TTLL5: variants seen among roughly 807,000 people sequenced by gnomAD.
The protein encoded by TTLL5 is tubulin polyglutamylase TTLL5.
TTLL5 carries 132 observed loss-of-function variants against 168.4 expected under a neutral mutation model. The ratio of observed to expected loss-of-function variants is 0.78; its 90% CI spans 0.68 to 0.91. The LOEUF (loss-of-function observed/expected upper bound fraction) is 0.91, where lower values mean the gene tolerates loss of function less well. Among genes scored for constraint, TTLL5 ranks in the 40% least tolerant of loss-of-function variants. The pLI is 0.00. For synonymous variants in TTLL5, 546 were observed against 558.6 expected (o/e 0.98, Z 0.32); for missense variants, 1,545 against 1,581.5 (o/e 0.98, Z 0.39).
chr14:75,719,020 G>A (rs925548038), intron 10 of TTLL5, among the ~76,000 whole-genome samples: 10 of 152,184 alleles, frequency 6.6e-5, no homozygotes, highest in Non-Finnish European at 1.5e-4. Context: ...ACAATTGGTG[G>A]AGAGTGGGAT....
intron 31 of TTLL5, among the ~76,000 whole-genome samples, chr14:75,945,397 C>G (rs2034739257): frequency 6.6e-6 from 1 of 151,650 alleles, no homozygotes; most frequent in South Asian, 2.1e-4. Flanking sequence ...GCTGGGACTA[C>G]AGGTGCGTGC....
rs769382323 is a variant in TTLL5 at position 75,820,152 on chromosome 14, C to G, written c.3317C>G (p.Pro1106Arg). 4 of 1,588,002 alleles carry G rather than the reference C, an allele frequency of 2.5e-6. No individual in the cohort carries two copies. In the South Asian group the frequency reaches 4.6e-5, roughly 18 times the overall value. ...GCTCCCGAGAATCACTCCAGCTCTC[C>G]TGGAAGCAGGTATGTGAAGGGCCCT... is the stretch of plus-strand genomic sequence containing the variant. ...PQAPENHSSSPGSRSLQTGGF... is the reference protein window; with the variant it reads ...PQAPENHSSSRGSRSLQTGGF... The change falls in exon 28 of 32, where the codon CCT becomes CGT. Residue 1106 changes from proline (P) to arginine (R), a missense_variant. Pro to Arg is a moderately radical substitution (Grantham distance 103). Transcript: ENST00000298832.
intron 12 of TTLL5, among the ~76,000 whole-genome samples, chr14:75,723,781 T>A (rs1314297233): frequency 6.6e-6 from 1 of 152,182 alleles, no homozygotes; most frequent in Non-Finnish European, 1.5e-5. Flanking sequence ...TCTTCCTCCC[T>A]ACTTGTGTTC....
chr14:75,705,103 A>G (rs189130486), intron 7 of TTLL5, among the ~76,000 whole-genome samples: 1 of 152,244 alleles, frequency 6.6e-6, no homozygotes, highest in Non-Finnish European at 1.5e-5. Context: ...CATTGAGCAG[A>G]TTCAAAATGG....
chr14:75,901,329 A>G (rs960901050), intron 30 of TTLL5, among the ~76,000 whole-genome samples: 4 of 152,166 alleles, frequency 2.6e-5, no homozygotes, highest in African/African-American at 9.6e-5. Flanking sequence ...AATGCAAAGA[A>G]GGAATTAGAG....
At chr14:75,870,799 T>G (rs998267636) in intron 29 of TTLL5, among the ~76,000 whole-genome samples, 2 of 148,732 alleles carry the variant, frequency 1.3e-5, no homozygotes, top group African/African-American at 2.5e-5. Context: ...TTGCTTTGGT[T>G]TTTTTTTTTT....
chr14:75,882,649 T>C (rs762322177), intron 29 of TTLL5, 36 bp from the exon 30 acceptor site: 1 of 1,569,846 alleles, frequency 6.4e-7, no homozygotes, highest in South Asian at 1.1e-5. Flanking sequence ...GTGAAGGTGA[T>C]GTCCATCGAT....
intron 19 of TTLL5, among the ~76,000 whole-genome samples, chr14:75,765,635 G>A (rs1467368255): frequency 6.6e-6 from 1 of 152,094 alleles, no homozygotes; most frequent in Admixed American, 6.5e-5. Context: ...GGCCAAGGTG[G>A]GCGAATCGCT....
chr14:75,671,851 C>T (rs11623813), intron 3 of TTLL5, among the ~76,000 whole-genome samples: 80,880 of 152,026 alleles, frequency 0.53, 24,365 homozygotes, highest in Non-Finnish European at 0.67. Context: ...TTCTCTCCAA[C>T]GTGGATGCCT....
chr14:75,733,156 T>C (rs193100637), intron 13 of TTLL5, among the ~76,000 whole-genome samples: 1 of 152,354 alleles, frequency 6.6e-6, no homozygotes, highest in East Asian at 1.9e-4. Flanking sequence ...TGGCTTAACC[T>C]CCATAGTAAG....
At chr14:75,917,222 T>G (rs1469403706) in intron 31 of TTLL5, among the ~76,000 whole-genome samples, 1 of 152,198 alleles carries the variant, frequency 6.6e-6, no homozygotes, top group Non-Finnish European at 1.5e-5. Flanking sequence ...AAAGAAAGAT[T>G]ATAGATTGTG....
chr14:75,925,925 C>T (rs910450091), intron 31 of TTLL5, among the ~76,000 whole-genome samples: 38 of 151,900 alleles, frequency 2.5e-4, no homozygotes, highest in African/African-American at 9.0e-4. Flanking sequence ...CGGCGCGCAC[C>T]TGTAATCGCA....
chr14:75,882,811 C>A lies in TTLL5; in HGVS notation c.3649C>A (p.Pro1217Thr). Residue 1217 changes from proline to threonine, a missense_variant, in exon 30 of 32, where the codon CCA becomes ACA. Transcript: ENST00000298832. ...KPTTLPQKVVPPPSSCASLVP... is the reference protein window; with the variant it reads ...KPTTLPQKVVTPPSSCASLVP... ...AACCACTCTGCCACAAAAAGTGGTA[C>A]CACCTCCAAGTTCTTGCGCCTCCCT... The A allele has an allele frequency of 6.2e-7, 1 of 1,614,094 alleles. No individual in the cohort carries two copies. The highest frequency in any genetic ancestry group is 8.5e-7 in the Non-Finnish European group (1 of 1,180,020).
At chr14:75,776,348 T>C (rs1164804625) in intron 22 of TTLL5, among the ~76,000 whole-genome samples, 1 of 152,218 alleles carries the variant, frequency 6.6e-6, no homozygotes, top group African/African-American at 2.4e-5. Context: ...TGGAAGCTGG[T>C]ATAAGAGTAC....
chr14:75,896,165 A>G (rs759486743), intron 30 of TTLL5, among the ~76,000 whole-genome samples: 1 of 152,208 alleles, frequency 6.6e-6, no homozygotes, highest in African/African-American at 2.4e-5. Flanking sequence ...AAGGATTAGC[A>G]TTAACTTCCA....
chr14:75,692,339 T>C (rs74664945), intron 6 of TTLL5, among the ~76,000 whole-genome samples: 2,395 of 152,326 alleles, frequency 0.016, 81 homozygotes, highest in African/African-American at 0.054. Context: ...ACTATGTTTT[T>C]ACTATGTTTT....
intron 31 of TTLL5, chr14:75,904,068 C>G: frequency 8.3e-7 from 1 of 1,211,314 alleles, no homozygotes. Context: ...CTTTCCACTC[C>G]CTGCTCATGC....
In TTLL5 at chr14:75,735,273, C is replaced by G. The variant is rs1338062886; in HGVS notation, c.1265C>G (p.Pro422Arg). 3 of 1,614,184 alleles carry G rather than the reference C, an allele frequency of 1.9e-6. No homozygotes were observed. The highest frequency in any genetic ancestry group is 2.2e-5 in the East Asian group (1 of 44,890). Residue 422 changes from proline (P) to arginine (R), a missense_variant, in exon 15 of 32, where the codon CCT (proline) becomes CGT (arginine). Transcript: ENST00000298832. ...ACCTTTGAGTCTTCCAGGCGAAACC[C>G]TTTCCAGAAACCTCAGGTAAGCCAA... ...YPTFESSRRN[P>R]FQKPQRCRPL...
Position 75,820,073 on chromosome 14 carries a change from C to G in TTLL5, c.3238C>G (p.Arg1080Gly). Residue 1080 changes from arginine to glycine, a missense_variant, in exon 28 of 32, where the codon CGA becomes GGA. Arg to Gly is a moderately radical substitution (Grantham distance 125). Coordinates refer to ENST00000298832, the MANE Select transcript of TTLL5 (RefSeq NM_015072.5). Reference sequence around the variant, plus strand: ...CAGTGCTTCAGCTCCCCCAACCCTCCGACCCATCATCAGTCCTAGTGGCCC... The same window carrying G: ...CAGTGCTTCAGCTCCCCCAACCCTCGGACCCATCATCAGTCCTAGTGGCCC... ...RSSASAPPTL[R>G]PIISPSGPTW... The G allele has an allele frequency of 6.2e-7, 1 of 1,610,198 alleles. No individual in the cohort carries two copies. The highest frequency in any genetic ancestry group is 8.5e-7 in the Non-Finnish European group (1 of 1,178,452).
Sources: allele counts gnomAD v4.1 joint callset (sites outside exome capture counted in the v4.1 genomes callset), GRCh38; gene constraint gnomAD v4.1.1; transcripts MANE v1.5; gene names NCBI Gene and HGNC (gene_info 2026-07-23, HGNC 2026-07-21).